The following BTBD16 variants were observed in gnomAD, a reference collection of about 807,000 sequenced individuals.
BTBD16 encodes BTB/POZ domain-containing protein 16.
Under a neutral mutation model 67.4 loss-of-function variants are expected in BTBD16, and 66 were observed. That is an observed-to-expected ratio of 0.98 (90% confidence interval 0.80 to 1.20). The LOEUF is 1.20. Ranked by LOEUF, BTBD16 falls within the 50% of genes most tolerant of loss-of-function variation. The pLI is 0.00. For synonymous variants in BTBD16, 242 were observed against 236.4 expected, an observed-to-expected ratio of 1.02 and a Z score of -0.22; for missense variants, 634 against 616.0, an observed-to-expected ratio of 1.03 and a Z score of -0.31.
chr10:122,297,092 C>A (rs1488453164), intron 7 of BTBD16, among the ~76,000 whole-genome samples: 1 of 152,246 alleles, frequency 6.6e-6, no homozygotes, highest in East Asian at 1.9e-4. Context: ...TCTCCATCAT[C>A]TGCCTTCCCA....
At chr10:122,286,045 A>G (rs2096363007) in intron 4 of BTBD16, 60 bp from the exon 5 acceptor site, 10 of 1,500,336 alleles carry the variant, frequency 6.7e-6, no homozygotes, top group Non-Finnish European at 8.2e-6. Context: ...GAGGAAGCTG[A>G]TGCATCTTTG....
At chr10:122,331,306 C>G (rs1394173274) in intron 12 of BTBD16, 48 bp downstream of exon 12, 10 of 1,601,216 alleles carry the variant, frequency 6.2e-6, no homozygotes, top group African/African-American at 2.7e-5. Context: ...TTTATTGCCT[C>G]TCTGACTTTG....
At position 122,327,654 on chromosome 10, in the gene BTBD16, C is replaced by T. The variant is rs911667445; in HGVS notation, c.912-1826C>T. On this transcript the variant is annotated intron_variant, in intron 10 of 15. Transcript: ENST00000260723. The stretch of plus-strand genomic sequence containing the variant: ...AAAAGTGGGCATCATTGCCACTTCC[C>T]AGAGGCCCCAAGGGGTCATAAAGTC... 6.1e-6 allele frequency: 6 copies of T among 984,902 alleles called. No homozygotes were observed. The East Asian group carries it at 3.4e-4, about 56-fold the overall frequency. 61.0% of individuals were successfully genotyped at this position (984,902 alleles called of 1,614,324 possible).
intron 10 of BTBD16, among the ~76,000 whole-genome samples, chr10:122,321,942 G>A (rs2096436134): frequency 6.6e-6 from 1 of 152,006 alleles, no homozygotes; most frequent in Non-Finnish European, 1.5e-5. Context: ...TTTCTTCTAG[G>A]ATTTTTATAG....
At chr10:122,273,989 T>C (rs569872215) in intron 1 of BTBD16, among the ~76,000 whole-genome samples, 2 of 152,358 alleles carry the variant, frequency 1.3e-5, no homozygotes, top group East Asian at 3.9e-4. Context: ...TCTCTCCATA[T>C]GGCGACTGCA....
At chr10:122,336,715 C>CT (rs1295495018) in intron 15 of BTBD16, 33 bp downstream of exon 15, 1 of 1,526,636 alleles carries the variant, frequency 6.6e-7, no homozygotes, top group Non-Finnish European at 8.8e-7. Context: ...CCTTTATTTC[C>CT]TTTTTGCTCT....
rs773347535 is a variant in BTBD16, at chr10:122,329,431, G to C, written c.912-49G>C. The stretch of plus-strand genomic sequence containing the variant: ...CTTTCCCTAGCCCGAGCTAATTCCA[G>C]AGAGGAGTTTGCTGAAGGTCTGTTA... On this transcript the variant is annotated intron_variant, in intron 10 of 15. Coordinates refer to ENST00000260723, the MANE Select transcript of BTBD16 (RefSeq NM_144587.5). 7.0e-6 allele frequency: 11 copies of C among 1,574,986 alleles called. No individual in the cohort carries two copies. In the Admixed American group the frequency reaches 1.8e-4, roughly 26 times the overall value.
intron 13 of BTBD16, among the ~76,000 whole-genome samples, chr10:122,334,203 T>TTA (rs2096459401): frequency 1.3e-5 from 2 of 149,704 alleles, no homozygotes; most frequent in East Asian, 3.9e-4. Context: ...ACTTTTTTTT[T>TTA]TTTTTTTTTT....
chr10:122,281,057 T>TCA (rs2096351959), intron 3 of BTBD16, among the ~76,000 whole-genome samples: 1 of 152,128 alleles, frequency 6.6e-6, no homozygotes, highest in Admixed American at 6.5e-5. Context: ...TGCTCCTGCC[T>TCA]CAGCCTCCCA....
intron 14 of BTBD16, 79 bp from the exon 15 acceptor site, chr10:122,336,415 A>G (rs2096463241): frequency 2.3e-6 from 3 of 1,292,836 alleles, no homozygotes; most frequent in Non-Finnish European, 3.2e-6. Flanking sequence ...ACCAGGGTCT[A>G]TATGCCAGGC....
intron 10 of BTBD16, chr10:122,327,685 A>G (rs2096447657): frequency 1.1e-5 from 11 of 974,104 alleles, no homozygotes; most frequent in South Asian, 4.8e-5. Flanking sequence ...AAGTCCAACA[A>G]GCTGTCTCAA....
chr10:122,280,770 A>C (rs1251513612), intron 3 of BTBD16, among the ~76,000 whole-genome samples: 1 of 152,074 alleles, frequency 6.6e-6, no homozygotes, highest in African/African-American at 2.4e-5. Flanking sequence ...GCCACTGTAA[A>C]CTACGTGTAT....
rs1398391311 is a variant in BTBD16 at position 122,307,444 on chromosome 10, G to C, written c.911+136G>C. ...TTCAGAGGGCACTGTTTTTTTAATA[G>C]GGCCTAAGATTATAGGATGCTTTCA... is the stretch of plus-strand genomic sequence containing the variant. On this transcript the variant is annotated intron_variant, in intron 10 of 15. Transcript: ENST00000260723. The C allele has an allele frequency of 4.6e-6, 4 of 868,916 alleles. No individual in the cohort carries two copies. The Admixed American group carries it at 1.3e-4, about 29-fold the overall frequency. The allele number at this position is 868,916 out of a possible 1,614,324, so 53.8% of individuals were successfully genotyped here. A position where few individuals can be genotyped will look rare whatever the true frequency, so the allele number is the denominator to read the frequency against.
At chr10:122,326,022 G>A (rs2096444059) in intron 10 of BTBD16, among the ~76,000 whole-genome samples, 1 of 150,198 alleles carries the variant, frequency 6.7e-6, no homozygotes, top group Admixed American at 6.6e-5. Flanking sequence ...AGTCTTCTAT[G>A]CTGAGTTATA....
chr10:122,286,111 T>C lies in BTBD16; in HGVS notation c.248T>C (p.Ile83Thr). 2 of 1,613,342 alleles carry C rather than the reference T, an allele frequency of 1.2e-6. No homozygotes were observed. Among genetic ancestry groups the C allele is most frequent in the Non-Finnish European group, 1.7e-6 (2 of 1,179,462 alleles). Residue 83 changes from isoleucine to threonine, a missense_variant, in exon 5 of 16, where the codon ATT becomes ACT. By Grantham distance (89) the Ile-to-Thr change is moderately conservative. Coordinates refer to ENST00000260723, the MANE Select transcript of BTBD16 (RefSeq NM_144587.5). ...CATCATTTTCTGTCCTCAGATGTGA[T>C]TCTCGAGTGCCTGGGCTTCAAATGG... ...KDIQSGEADV[I>T]LECLGFKWEL... is the part of the protein sequence containing the mutation.
At chr10:122,271,588 A>G (rs912200991) in intron 1 of BTBD16, 74 bp downstream of exon 1, 34 of 152,140 alleles carry the variant, frequency 2.2e-4, no homozygotes, top group African/African-American at 8.2e-4. Context: ...CTGTCTTAGC[A>G]CCTGTCTAGA....
At position 122,297,900 on chromosome 10, in the gene BTBD16, C is replaced by G. The variant is rs578151356; in HGVS notation, c.660+63C>G. 4.6e-6 allele frequency: 7 copies of G among 1,509,086 alleles called. No homozygotes were observed. The Admixed American group carries it at 8.6e-5, about 19-fold the overall frequency. 93.5% of individuals were successfully genotyped at this position (1,509,086 alleles called of 1,614,324 possible). The stretch of plus-strand genomic sequence containing the variant: ...GGGGCCTTCAGGAGCAGCCTAGATG[C>G]TGGGATTTTACCCACCAGGCCTACT... On this transcript the variant is annotated intron_variant, in intron 8 of 15. Coordinates refer to ENST00000260723, the MANE Select transcript of BTBD16 (RefSeq NM_144587.5).
chr10:122,279,707 A>G (rs11592862), intron 3 of BTBD16, among the ~76,000 whole-genome samples: 35,882 of 152,090 alleles, frequency 0.24, 4,444 homozygotes, highest in East Asian at 0.42. Context: ...ACTGTCAGTA[A>G]GGGCCTGGAA....
At chr10:122,286,388 A>T (rs1055074661) in intron 5 of BTBD16, 140 bp downstream of exon 5, 1 of 1,251,050 alleles carries the variant, frequency 8.0e-7, no homozygotes, top group East Asian at 2.5e-5. Context: ...ATCTCATCCC[A>T]TGACAGCCTC....
Sources: allele counts gnomAD v4.1 joint callset (sites outside exome capture counted in the v4.1 genomes callset), GRCh38; gene constraint gnomAD v4.1.1; transcripts MANE v1.5; gene names NCBI Gene and HGNC (gene_info 2026-07-23, HGNC 2026-07-21).